Variants in TAB2 observed in about 807,000 individuals in gnomAD.
TAB2 encodes the protein TGF-beta activated kinase 1 (MAP3K7) binding protein 2, also known as TGF-beta-activated kinase 1 and MAP3K7-binding protein 2.
A neutral mutation model predicts 65.0 loss-of-function variants in TAB2; 3 were observed. The ratio of observed to expected loss-of-function variants is 0.05; its 90% CI spans 0.02 to 0.12. The LOEUF is 0.12. Among genes scored for constraint, TAB2 ranks in the 10% least tolerant of loss-of-function variants. The pLI is 1.00. For missense variants in TAB2, 623 were observed against 840.3 expected, an observed-to-expected ratio of 0.74 and a Z score of 3.20; for synonymous variants, 298 against 285.1, an observed-to-expected ratio of 1.05 and a Z score of -0.46.
At chr6:149,270,484 A>C (rs1035301396) in intron 1 of TAB2, among the ~76,000 whole-genome samples, 1 of 152,194 alleles carries the variant, frequency 6.6e-6, no homozygotes, top group Admixed American at 6.5e-5. Flanking sequence ...GAATACTTCA[A>C]AACCGCTAAG....
chr6:149,388,955 T>A (rs1370189958), intron 3 of TAB2, among the ~76,000 whole-genome samples: 3 of 31,042 alleles, frequency 9.7e-5, no homozygotes, highest in Non-Finnish European at 1.7e-4. Context: ...AACAGAAATC[T>A]TTTTTTTTTT....
intron 2 of TAB2, among the ~76,000 whole-genome samples, chr6:149,377,763 CT>C (rs1033117516): frequency 7.9e-5 from 12 of 152,068 alleles, no homozygotes; most frequent in Non-Finnish European, 1.8e-4. Context: ...CATTTTACTC[CT>C]CGTATCCATT....
chr6:149,261,056 G>A (rs1778143347), intron 1 of TAB2, among the ~76,000 whole-genome samples: 1 of 152,134 alleles, frequency 6.6e-6, no homozygotes, highest in Non-Finnish European at 1.5e-5. Flanking sequence ...TCAATGGAGA[G>A]GCCCTTTTTC....
At chr6:149,364,831 T>A in intron 1 of TAB2, among the ~76,000 whole-genome samples, 1 of 151,692 alleles carries the variant, frequency 6.6e-6, no homozygotes, top group South Asian at 2.1e-4. Flanking sequence ...TATACTCTTA[T>A]AGTCCTAGAA....
At chr6:149,313,628 A>T (rs1583079380), upstream of TAB2, among the ~76,000 whole-genome samples, 1 of 152,130 alleles carries the variant, frequency 6.6e-6, no homozygotes, top group Non-Finnish European at 1.5e-5. Context: ...CAAACTGAGG[A>T]CTATTACAAA....
Position 149,402,873 on chromosome 6 carries a change from G to T in TAB2, c.1939+3689G>T, listed in dbSNP as rs141068439. 6.9e-3 allele frequency among the ~76,000 whole-genome samples: 1,053 copies of T among 152,168 alleles called. 10 individuals are homozygous for T. Among genetic ancestry groups the T allele is most frequent in the African/African-American group, 0.025 (1,017 of 41,510 alleles). ...GCACACACATTGAAGTAAAATGAAA[G>T]GAATAACCATGTAGTCATCTTAATA... On this transcript the variant is annotated intron_variant, in intron 6 of 6. Coordinates refer to ENST00000637181, the MANE Select transcript of TAB2 (RefSeq NM_001292034.3).
intron 1 of TAB2, among the ~76,000 whole-genome samples, chr6:149,264,129 C>G (rs1778212616): frequency 6.6e-6 from 1 of 152,200 alleles, no homozygotes; most frequent in Admixed American, 6.5e-5. Flanking sequence ...TAGCGCTGGT[C>G]TGAGTCTCCT....
intron 1 of TAB2, among the ~76,000 whole-genome samples, chr6:149,238,178 G>T (rs1014042937): frequency 1.3e-5 from 2 of 152,044 alleles, no homozygotes; most frequent in African/African-American, 4.8e-5. Flanking sequence ...ACGGTGCCTG[G>T]CCCAGTCTGC....
chr6:149,234,177 T>C (rs1177107366), intron 1 of TAB2, among the ~76,000 whole-genome samples: 1 of 152,188 alleles, frequency 6.6e-6, no homozygotes, highest in Non-Finnish European at 1.5e-5. Context: ...TTCAATAACA[T>C]TTTTAAGATA....
chr6:149,381,477 A>G (rs1380193947), intron 3 of TAB2, among the ~76,000 whole-genome samples: 1 of 151,862 alleles, frequency 6.6e-6, no homozygotes, highest in East Asian at 1.9e-4. Context: ...GTAGGCATTC[A>G]TATTTAGTGA....
At chr6:149,336,782 G>A (rs1221576827) in intron 1 of TAB2, among the ~76,000 whole-genome samples, 1 of 152,146 alleles carries the variant, frequency 6.6e-6, no homozygotes, top group Non-Finnish European at 1.5e-5. Flanking sequence ...GGTTGAACAT[G>A]TTCAGACAGG....
intron 1 of TAB2, among the ~76,000 whole-genome samples, chr6:149,236,367 T>G (rs1490427227): frequency 1.3e-5 from 2 of 152,210 alleles, no homozygotes; most frequent in East Asian, 3.8e-4. Flanking sequence ...AAATAAGTAG[T>G]TTTCAACTTG....
chr6:149,409,531 A>G, intron 6 of TAB2, 46 bp from the exon 7 acceptor site: 3 of 1,572,288 alleles, frequency 1.9e-6, no homozygotes, highest in South Asian at 1.1e-5. Context: ...AATTTTTTAG[A>G]CTTTGTGATT....
chr6:149,309,452 A>G (rs1337462402), intron 1 of TAB2, among the ~76,000 whole-genome samples: 2 of 147,912 alleles, frequency 1.4e-5, no homozygotes, highest in African/African-American at 2.6e-5. Flanking sequence ...GCTGGAGTGC[A>G]GTGGCACAAT....
intron 1 of TAB2, among the ~76,000 whole-genome samples, chr6:149,306,520 T>A (rs1286670553): frequency 7.0e-6 from 1 of 142,790 alleles, no homozygotes; most frequent in Non-Finnish European, 1.5e-5. Flanking sequence ...ATCGCGCCAC[T>A]GCACTCCAGC....
chr6:149,378,478 G>C lies in TAB2; in HGVS notation c.563G>C (p.Gly188Ala), dbSNP rs1343503509. 1 of 1,614,130 alleles carries C rather than the reference G, an allele frequency of 6.2e-7. No individual in the cohort carries two copies. Among genetic ancestry groups the C allele is most frequent in the South Asian group, 1.1e-5 (1 of 91,088 alleles). ...MVTLAPNIQTGRNTPTSLHIH... is the reference protein window; with the variant it reads ...MVTLAPNIQTARNTPTSLHIH... The stretch of plus-strand genomic sequence containing the variant: ...ACTTTAGCCCCAAATATCCAGACTG[G>C]TCGTAATACTCCTACATCTTTGCAC... The change falls in exon 3 of 7, where the codon GGT becomes GCT. Residue 188 changes from glycine (G) to alanine (A), a missense_variant. Gly to Ala is a moderately conservative substitution (Grantham distance 60). Around this residue, in one of 3 missense-constraint regions of TAB2, gnomAD observed 550 missense variants for 665.7 expected, o/e 0.83. Coordinates refer to ENST00000637181, the MANE Select transcript of TAB2 (RefSeq NM_001292034.3).
At position 149,390,158 on chromosome 6, in the gene TAB2, T is replaced by A. The variant is rs140130340; in HGVS notation, c.1604-7446T>A. On this transcript the variant is annotated intron_variant, in intron 3 of 6. Coordinates refer to ENST00000637181, the MANE Select transcript of TAB2 (RefSeq NM_001292034.3). ...CAGTGATATATAAAACAGATGTGATTCCTGTTGTCAACAAAGTTACAGCCT... is the reference window on the plus strand; with the variant it reads ...CAGTGATATATAAAACAGATGTGATACCTGTTGTCAACAAAGTTACAGCCT... Among the ~76,000 whole-genome samples the A allele has an allele frequency of 1.1e-3, 169 of 152,338 alleles. 1 individual carries two copies. Among genetic ancestry groups the A allele is most frequent in the African/African-American group, 3.9e-3 (162 of 41,576 alleles).
intron 1 of TAB2, among the ~76,000 whole-genome samples, chr6:149,253,905 G>C (rs112917997): frequency 0.015 from 2,146 of 143,534 alleles, 26 homozygotes; most frequent in Non-Finnish European, 0.021. Context: ...CTGGGTGACA[G>C]AGAGAGACTC....
intron 1 of TAB2, among the ~76,000 whole-genome samples, chr6:149,359,072 C>T (rs936988163): frequency 1.3e-4 from 20 of 152,076 alleles, no homozygotes; most frequent in African/African-American, 4.8e-4. Context: ...TTTATAGCTT[C>T]TTTCAGGTTC....
Sources: allele counts gnomAD v4.1 joint callset (sites outside exome capture counted in the v4.1 genomes callset), GRCh38; gene constraint gnomAD v4.1.1; regional missense constraint gnomAD v4.1.1; transcripts MANE v1.5; gene names NCBI Gene and HGNC (gene_info 2026-07-23, HGNC 2026-07-21).